LAMB4: variants seen among roughly 807,000 people sequenced by gnomAD.
The protein encoded by LAMB4 is laminin subunit beta 4.
LAMB4 carries 196 observed loss-of-function variants against 199.2 expected under a neutral mutation model. The observed-to-expected ratio is 0.98, with a 90% CI of 0.88 to 1.11. The LOEUF (loss-of-function observed/expected upper bound fraction) is 1.11. Ranked by LOEUF, LAMB4 falls within the 50% of genes least tolerant of loss-of-function variation. LAMB4 has a pLI of 0.00. For synonymous variants in LAMB4, 744 were observed against 770.6 expected, an observed-to-expected ratio of 0.97 and a Z score of 0.57; for missense variants, 2,080 against 2,171.2, an observed-to-expected ratio of 0.96 and a Z score of 0.83.
downstream of LAMB4, among the ~76,000 whole-genome samples, chr7:108,021,263 G>T (rs2034687130): frequency 6.6e-6 from 1 of 152,190 alleles, no homozygotes; most frequent in African/African-American, 2.4e-5. Flanking sequence ...TGCGGAAGAA[G>T]TGGACCTCAG....
intron 2 of LAMB4, among the ~76,000 whole-genome samples, chr7:108,119,255 A>C (rs1477206225): frequency 6.6e-6 from 1 of 152,338 alleles, no homozygotes; most frequent in East Asian, 1.9e-4. Context: ...GGTACTGATC[A>C]AGCAACTCAG....
intron 14 of LAMB4, among the ~76,000 whole-genome samples, chr7:108,080,372 T>C (rs894632286): frequency 6.6e-6 from 1 of 152,192 alleles, no homozygotes; most frequent in Non-Finnish European, 1.5e-5. Context: ...AAAACCTCTT[T>C]AATTACTTTT....
chr7:108,018,549 C>T (rs1417071323), downstream of LAMB4, among the ~76,000 whole-genome samples: 1 of 152,116 alleles, frequency 6.6e-6, no homozygotes, highest in African/African-American at 2.4e-5. Context: ...ACCATCCTGG[C>T]TAACAAGGTG....
At chr7:108,018,150 T>C in the LAMB4 span, among the ~76,000 whole-genome samples, 31,350 of 152,206 alleles carry the variant, frequency 0.21, 3,278 homozygotes, top group East Asian at 0.29. Context: ...TAAGGAGATG[T>C]GTGCTTTTCT....
At position 108,030,120 on chromosome 7, in the gene LAMB4, A is replaced by C. The variant is rs374600119; in HGVS notation, c.4992+686T>G. ...TGACAGAGAGAGACTCTGTCTCACA[A>C]AAAAAAAAAAAAAGAACTTTTCTCA... On this transcript the variant is annotated intron_variant, in intron 32 of 33. Transcript: ENST00000388781. Among the ~76,000 whole-genome samples the C allele has an allele frequency of 8.6e-3, 1,252 of 144,838 alleles. 8 individuals carry two copies. Among genetic ancestry groups the C allele is most frequent in the Middle Eastern group, 0.021 (6 of 282 alleles).
At chr7:108,091,894 A>G in intron 13 of LAMB4, 118 bp from the exon 14 acceptor site, 1 of 984,140 alleles carries the variant, frequency 1.0e-6, no homozygotes, top group Non-Finnish European at 1.5e-6. Flanking sequence ...TCAGTCAATC[A>G]ATGGTCCTGT....
intron 14 of LAMB4, among the ~76,000 whole-genome samples, chr7:108,090,488 CATG>C (rs2037356036): frequency 6.6e-6 from 1 of 152,030 alleles, no homozygotes; most frequent in Non-Finnish European, 1.5e-5. Flanking sequence ...TCATATCATG[CATG>C]ATATAACCCC....
the LAMB4 span, among the ~76,000 whole-genome samples, chr7:108,014,719 GTT>G: frequency 4.2e-5 from 6 of 142,588 alleles, no homozygotes; most frequent in African/African-American, 1.3e-4. Flanking sequence ...ACTGGTTGTT[GTT>G]TTTTTTTTTT....
intron 25 of LAMB4, 128 bp downstream of exon 25, chr7:108,055,504 G>T: frequency 1.9e-6 from 2 of 1,025,662 alleles, no homozygotes; most frequent in Non-Finnish European, 2.9e-6. Flanking sequence ...GTTATTAACT[G>T]AACAACTATC....
chr7:108,048,158 CT>C (rs747991620), intron 27 of LAMB4, 47 bp from the exon 28 acceptor site: 72,183 of 457,560 alleles, frequency 0.16, 5 homozygotes, highest in South Asian at 0.19. Context: ...GTTGTCAGAG[CT>C]TTTTTTTTTT....
chr7:108,030,695 G>C (rs2034995585), intron 32 of LAMB4, 111 bp downstream of exon 32: 5 of 997,614 alleles, frequency 5.0e-6, no homozygotes, highest in Non-Finnish European at 1.5e-6. Context: ...TTGAGTCATG[G>C]ACCAGCACAA....
intron 14 of LAMB4, among the ~76,000 whole-genome samples, chr7:108,085,971 G>A (rs2037159865): frequency 6.6e-6 from 1 of 152,350 alleles, no homozygotes. Context: ...ATGAGTAGGT[G>A]TTGTAGGTGC....
chr7:108,061,931 T>G lies in LAMB4; in HGVS notation c.3282+843A>C, dbSNP rs2036174778. Among the ~76,000 whole-genome samples, 3 of 152,230 alleles carry G rather than the reference T, an allele frequency of 2.0e-5. No homozygotes were observed. The South Asian group carries it at 6.2e-4, about 32-fold the overall frequency. ...AGCCATGCTTACTAATTGGAAAGAC[T>G]CCAGTTTCTTAAATTCGCATTTTCA... On this transcript the variant is annotated intron_variant, in intron 23 of 33. Transcript: ENST00000388781.
chr7:108,085,222 AC>A (rs1318311833), intron 14 of LAMB4, among the ~76,000 whole-genome samples: 1 of 152,198 alleles, frequency 6.6e-6, no homozygotes, highest in Non-Finnish European at 1.5e-5. Flanking sequence ...TGAAATGAAA[AC>A]AGTTGACTTA....
intron 25 of LAMB4, among the ~76,000 whole-genome samples, chr7:108,054,899 T>C (rs760015386): frequency 2.6e-5 from 4 of 152,204 alleles, no homozygotes; most frequent in Non-Finnish European, 4.4e-5. Context: ...AAAAATGAGC[T>C]TGCATTTTCA....
At position 108,044,122 on chromosome 7, in the gene LAMB4, A is replaced by G. The variant is rs920049413; in HGVS notation, c.4327-226T>C. 4 of 405,438 alleles carry G rather than the reference A, an allele frequency of 9.9e-6. No homozygotes were observed. In the South Asian group the frequency reaches 1.3e-4, roughly 13 times the overall value. The allele number at this position is 405,438 out of a possible 1,614,324, so 25.1% of individuals were successfully genotyped here. A position where few individuals can be genotyped will look rare whatever the true frequency, so the allele number is the denominator to read the frequency against. On this transcript the variant is annotated intron_variant, in intron 28 of 33. Coordinates refer to ENST00000388781, the MANE Select transcript of LAMB4 (RefSeq NM_007356.3). ...TTATCATTAATTTATCTTTTAGAAC[A>G]TTACTGACTTAGCACTAACGAATTT...
At chr7:108,024,309 G>A in intron 33 of LAMB4, 131 bp from the exon 34 acceptor site, 1 of 473,654 alleles carries the variant, frequency 2.1e-6, no homozygotes. Flanking sequence ...GGATTCAATG[G>A]ATAAATCATC....
intron 4 of LAMB4, among the ~76,000 whole-genome samples, chr7:108,110,782 C>G (rs970030071): frequency 1.3e-5 from 2 of 152,080 alleles, no homozygotes; most frequent in Admixed American, 6.5e-5. Context: ...GGAAAAAACA[C>G]CTCATATTCA....
intron 28 of LAMB4, among the ~76,000 whole-genome samples, chr7:108,044,544 A>G (rs2150512292): frequency 6.6e-6 from 1 of 152,348 alleles, no homozygotes; most frequent in Middle Eastern, 3.4e-3. Flanking sequence ...CCAACAAATT[A>G]GAGAGAGAGA....
Sources: allele counts gnomAD v4.1 joint callset (sites outside exome capture counted in the v4.1 genomes callset), GRCh38; gene constraint gnomAD v4.1.1; transcripts MANE v1.5; gene names NCBI Gene and HGNC (gene_info 2026-07-23, HGNC 2026-07-21).